Variants in PHEX observed in about 807,000 individuals in gnomAD.
PHEX encodes the protein phosphate-regulating neutral endopeptidase PHEX.
In PHEX, 16 loss-of-function variants were observed where a neutral mutation model predicts 68.0. The ratio of observed to expected loss-of-function variants is 0.24; its 90% CI spans 0.16 to 0.36. The LOEUF is 0.36. PHEX is among the 10% of genes least tolerant of loss of function. PHEX has a pLI of 1.00. For missense variants in PHEX, 480 were observed against 575.5 expected (o/e 0.83, Z 1.70); for synonymous variants, 208 against 205.1 (o/e 1.01, Z -0.12).
chrX:22,056,712 A>C (rs1016026946), intron 3 of PHEX, among the ~76,000 whole-genome samples: 1 of 108,353 alleles, frequency 9.2e-6, no homozygotes, highest in Non-Finnish European at 1.9e-5. Flanking sequence ...CAGTGAGCCG[A>C]AATCGCTCCA....
At chrX:22,150,556 CA>C (rs2147102276) in intron 12 of PHEX, among the ~76,000 whole-genome samples, 1 of 111,922 alleles carries the variant, frequency 8.9e-6, no homozygotes, top group East Asian at 2.8e-4. Flanking sequence ...TTTACAACAC[CA>C]GGCAGTATCC....
intron 12 of PHEX, among the ~76,000 whole-genome samples, chrX:22,148,817 T>G (rs1005931364): frequency 8.9e-6 from 1 of 112,011 alleles, no homozygotes; most frequent in Non-Finnish European, 1.9e-5. Context: ...CATTATTGAC[T>G]GAATTATTTT....
chrX:22,225,071 G>A (rs1294489656), intron 18 of PHEX, among the ~76,000 whole-genome samples: 1 of 11,792 alleles, frequency 8.5e-5, no homozygotes, highest in Non-Finnish European at 1.8e-4. Flanking sequence ...AGGTTCTAGG[G>A]GAGTATCTGT....
rs6654103 is a variant in PHEX at position 22,170,601 on chromosome X, C to T, written c.1482+2212C>T. ...TTAGCTATGACATCCTCAATTCACACTTGTGGTAGTGAACTATTTTGGTTT... is the reference window on the plus strand; with the variant it reads ...TTAGCTATGACATCCTCAATTCACATTTGTGGTAGTGAACTATTTTGGTTT... On this transcript the variant is annotated intron_variant, in intron 13 of 21. Coordinates refer to ENST00000379374, the MANE Select transcript of PHEX (RefSeq NM_000444.6). Among the ~76,000 whole-genome samples, 710 of 111,965 alleles carry T rather than the reference C, an allele frequency of 6.3e-3. 4 individuals carry two copies. The highest frequency in any genetic ancestry group is 0.022 in the African/African-American group (675 of 30,695).
chrX:22,206,006 T>C (rs1934701004), intron 15 of PHEX, among the ~76,000 whole-genome samples: 1 of 112,109 alleles, frequency 8.9e-6, no homozygotes. Context: ...ACAGGAGTGA[T>C]GGTATTTGCA....
At chrX:22,174,871 T>C (rs2147124822) in intron 13 of PHEX, among the ~76,000 whole-genome samples, 1 of 112,329 alleles carries the variant, frequency 8.9e-6, no homozygotes, top group East Asian at 2.8e-4. Context: ...ATTTAATCAC[T>C]GCTTCTACTC....
At chrX:22,216,261 A>G (rs985783409) in intron 16 of PHEX, among the ~76,000 whole-genome samples, 2 of 111,715 alleles carry the variant, frequency 1.8e-5, no homozygotes, top group African/African-American at 6.5e-5. Context: ...TAACAGTGTG[A>G]GATCATGATT....
intron 12 of PHEX, among the ~76,000 whole-genome samples, chrX:22,145,092 C>G (rs1449399502): frequency 8.9e-6 from 1 of 112,194 alleles, no homozygotes; most frequent in East Asian, 2.8e-4. Flanking sequence ...AAGAGGCTCA[C>G]AATGCCACGT....
intron 1 of PHEX, among the ~76,000 whole-genome samples, chrX:22,034,550 G>A (rs1926928455): frequency 8.9e-6 from 1 of 112,183 alleles, no homozygotes; most frequent in East Asian, 2.8e-4. Context: ...CAAGCCAGAC[G>A]CTACTATTAT....
intron 17 of PHEX, among the ~76,000 whole-genome samples, chrX:22,219,619 T>C (rs1935205008): frequency 9.7e-6 from 1 of 103,155 alleles, no homozygotes; most frequent in Non-Finnish European, 2.0e-5. Flanking sequence ...TGATTATTAT[T>C]ATTATTATTA....
At chrX:22,179,724 A>T (rs757552763) in intron 14 of PHEX, among the ~76,000 whole-genome samples, 15 of 111,152 alleles carry the variant, frequency 1.3e-4, no homozygotes, top group Non-Finnish European at 2.5e-4. Flanking sequence ...CTCTGTTGTG[A>T]TTCTTTGTTA....
chrX:22,129,608 A>C (rs1931895323), intron 11 of PHEX, among the ~76,000 whole-genome samples: 1 of 111,179 alleles, frequency 9.0e-6, no homozygotes, highest in African/African-American at 3.3e-5. Flanking sequence ...TCTCATATCT[A>C]AGGTGAATCC....
rs748971397 is a variant in PHEX at position 22,045,906 on chromosome X, T to C, written c.188-1144T>C. 2.9e-4 allele frequency among the ~76,000 whole-genome samples: 33 copies of C among 112,749 alleles called. No individual in the cohort carries two copies. The South Asian group carries it at 0.012, about 40-fold the overall frequency. On this transcript the variant is annotated intron_variant, in intron 2 of 21. Coordinates refer to ENST00000379374, the MANE Select transcript of PHEX (RefSeq NM_000444.6). ...AAGGAGCTCAAGAATTTGAAAGTAT[T>C]TTGTAAATATAACTTTTAAATATTT...
At chrX:22,071,976 C>T (rs1263762794) in intron 3 of PHEX, among the ~76,000 whole-genome samples, 2 of 112,007 alleles carry the variant, frequency 1.8e-5, no homozygotes, top group African/African-American at 6.5e-5. Context: ...CCTGTAATCC[C>T]AGCACTTTGG....
chrX:22,161,636 A>G (rs1933134869), intron 12 of PHEX, among the ~76,000 whole-genome samples: 2 of 111,990 alleles, frequency 1.8e-5, no homozygotes, highest in African/African-American at 3.2e-5. Flanking sequence ...GTCACTTGCT[A>G]TGTTACCTGT....
intron 18 of PHEX, among the ~76,000 whole-genome samples, 177 bp downstream of exon 18, chrX:22,221,920 G>T (rs1044468614): frequency 8.9e-6 from 1 of 111,950 alleles, no homozygotes; most frequent in African/African-American, 3.2e-5. Context: ...CTTTGGGGTT[G>T]GGGCCTGGTC....
chrX:22,187,570 C>G (rs57195047), intron 14 of PHEX, among the ~76,000 whole-genome samples: 14,294 of 110,931 alleles, frequency 0.13, 1,261 homozygotes, highest in African/African-American at 0.32. Flanking sequence ...CTTAATTACA[C>G]CTGCAAAGTC....
Position 22,034,424 on chromosome X carries a change from C to T in PHEX, c.118+1301C>T, listed in dbSNP as rs780092994. Among the ~76,000 whole-genome samples, 26 of 112,560 alleles carry T rather than the reference C, an allele frequency of 2.3e-4. 1 individual carries two copies. Among genetic ancestry groups the T allele is most frequent in the Admixed American group, 2.0e-3 (21 of 10,559 alleles). The stretch of plus-strand genomic sequence containing the variant: ...CAAAACTCTACTTTTATGATTACCT[C>T]CTGAGGCCGTGGCATATCGGTTGAA... On this transcript the variant is annotated intron_variant, in intron 1 of 21. Transcript: ENST00000379374.
chrX:22,148,315 C>T (rs1039328209), intron 12 of PHEX, among the ~76,000 whole-genome samples: 1 of 110,753 alleles, frequency 9.0e-6, no homozygotes, highest in Non-Finnish European at 1.9e-5. Flanking sequence ...CAGAAGCTGC[C>T]GGTCCTCTTA....
Sources: gnomAD v4.1 joint callset for allele counts (sites outside exome capture counted in the v4.1 genomes callset) on GRCh38, gnomAD v4.1.1 for gene constraint, MANE v1.5 for transcripts, NCBI Gene and HGNC (gene_info 2026-07-23, HGNC 2026-07-21) for gene names.